Variants in SEMA5A observed in about 807,000 individuals in gnomAD.
SEMA5A encodes semaphorin-5A.
A neutral mutation model predicts 135.5 loss-of-function variants in SEMA5A; 55 were observed. The observed-to-expected ratio is 0.41, with a 90% confidence interval of 0.33 to 0.51. SEMA5A has a LOEUF of 0.51. Among genes scored for constraint, SEMA5A ranks in the 20% least tolerant of loss-of-function variants. SEMA5A has a pLI of 0.37. For missense variants in SEMA5A, 1,290 were observed against 1,419.9 expected (o/e 0.91, Z 1.47); for synonymous variants, 580 against 546.5 (o/e 1.06, Z -0.85).
At chr5:9,276,658 C>T (rs1351042269) in intron 5 of SEMA5A, among the ~76,000 whole-genome samples, 1 of 152,152 alleles carries the variant, frequency 6.6e-6, no homozygotes, top group Non-Finnish European at 1.5e-5. Flanking sequence ...AATATCACCA[C>T]ACATTTACAA....
intron 16 of SEMA5A, among the ~76,000 whole-genome samples, chr5:9,105,911 A>C (rs1204495192): frequency 2.0e-5 from 3 of 152,260 alleles, no homozygotes; most frequent in Non-Finnish European, 4.4e-5. Context: ...TTTTTAAATC[A>C]ACTTCTTAGG....
chr5:9,049,401 G>A (rs115995329), intron 21 of SEMA5A, among the ~76,000 whole-genome samples: 2,148 of 152,260 alleles, frequency 0.014, 29 homozygotes, highest in South Asian at 0.032. Context: ...CTGACCTCAC[G>A]TGATCTGCCT....
At chr5:9,257,097 G>A (rs1049461535) in intron 5 of SEMA5A, among the ~76,000 whole-genome samples, 3 of 152,212 alleles carry the variant, frequency 2.0e-5, no homozygotes, top group Admixed American at 1.3e-4. Context: ...CAACTGGAGA[G>A]CTTATTCATG....
chr5:9,153,471 T>C (rs556349317), intron 12 of SEMA5A, among the ~76,000 whole-genome samples: 30 of 152,276 alleles, frequency 2.0e-4, no homozygotes, highest in Non-Finnish European at 4.3e-4. Flanking sequence ...CCACGGAAGA[T>C]AAGACTGGCC....
At chr5:9,113,702 C>T (rs1579417889) in intron 15 of SEMA5A, among the ~76,000 whole-genome samples, 1 of 152,214 alleles carries the variant, frequency 6.6e-6, no homozygotes, top group East Asian at 1.9e-4. Flanking sequence ...TGAGAAGATG[C>T]TCAACAATAT....
Position 9,136,485 on chromosome 5 carries a change from G to C in SEMA5A, c.1599+19C>G. 6.3e-7 allele frequency: 1 copy of C among 1,594,900 alleles called. No individual in the cohort carries two copies. The highest frequency in any genetic ancestry group is 8.6e-7 in the Non-Finnish European group (1 of 1,162,586). Reference sequence around the variant, plus strand: ...CCCATGGGCAGCATTTTCAGAGGATGGAGAAGGTGGGCACTCACCGGACAC... The same window carrying C: ...CCCATGGGCAGCATTTTCAGAGGATCGAGAAGGTGGGCACTCACCGGACAC... On this transcript the variant is annotated intron_variant, in intron 13 of 22. Coordinates refer to ENST00000382496, the MANE Select transcript of SEMA5A (RefSeq NM_003966.3).
At chr5:9,464,525 C>G (rs1036377295) in intron 1 of SEMA5A, among the ~76,000 whole-genome samples, 1 of 152,174 alleles carries the variant, frequency 6.6e-6, no homozygotes, top group Non-Finnish European at 1.5e-5. Flanking sequence ...ATTTTAATAA[C>G]ATATTTTTAA....
At chr5:9,318,258 C>A (rs182563225) in intron 5 of SEMA5A, 114 bp downstream of exon 5, 218 of 971,182 alleles carry the variant, frequency 2.2e-4, no homozygotes, top group Non-Finnish European at 3.1e-4. Context: ...GCTGAGGAAA[C>A]GAGCCCCTGC....
intron 1 of SEMA5A, among the ~76,000 whole-genome samples, chr5:9,456,333 G>A (rs1268062034): frequency 6.6e-6 from 1 of 152,228 alleles, no homozygotes; most frequent in Non-Finnish European, 1.5e-5. Context: ...GTAAAGACAA[G>A]CGTCTGGGTG....
At chr5:9,136,428 G>C in intron 13 of SEMA5A, 76 bp downstream of exon 13, 1 of 1,224,752 alleles carries the variant, frequency 8.2e-7, no homozygotes. Flanking sequence ...CAGCGTGACA[G>C]TGTGACTGAG....
intron 11 of SEMA5A, among the ~76,000 whole-genome samples, chr5:9,168,166 A>T (rs897539031): frequency 6.6e-6 from 1 of 152,118 alleles, no homozygotes; most frequent in African/African-American, 2.4e-5. Flanking sequence ...GGAGAGCCGT[A>T]AGTACAGCAG....
intron 1 of SEMA5A, among the ~76,000 whole-genome samples, chr5:9,474,891 A>G (rs1460682229): frequency 1.3e-5 from 2 of 152,120 alleles, no homozygotes. Context: ...ACGTGTTGGA[A>G]CCCACCTCCA....
chr5:9,523,174 T>C (rs1736930315), intron 1 of SEMA5A: 1 of 152,000 alleles, frequency 6.6e-6, no homozygotes, highest in Non-Finnish European at 1.5e-5. Context: ...AGAACTGTAA[T>C]AATTGCCAAA....
intron 3 of SEMA5A, among the ~76,000 whole-genome samples, chr5:9,345,754 A>G (rs1480162102): frequency 6.6e-6 from 1 of 152,168 alleles, no homozygotes; most frequent in African/African-American, 2.4e-5. Context: ...AAGCTTTCCA[A>G]ATGTGGATTA....
chr5:9,116,086 G>C (rs1348156818), intron 15 of SEMA5A, among the ~76,000 whole-genome samples: 1 of 152,124 alleles, frequency 6.6e-6, no homozygotes, highest in Non-Finnish European at 1.5e-5. Flanking sequence ...ACTACCACAT[G>C]ATCTTGGAAG....
chr5:9,211,328 C>A (rs1746335293), intron 8 of SEMA5A, among the ~76,000 whole-genome samples: 1 of 152,042 alleles, frequency 6.6e-6, no homozygotes, highest in African/African-American at 2.4e-5. Flanking sequence ...CTTTACAGAG[C>A]TTCTTTTTCT....
At chr5:9,150,426 G>T (rs1045418700) in intron 12 of SEMA5A, among the ~76,000 whole-genome samples, 5 of 152,098 alleles carry the variant, frequency 3.3e-5, no homozygotes, top group Non-Finnish European at 7.3e-5. Flanking sequence ...CAATGAGTTA[G>T]CTTTGTCTTT....
At chr5:9,160,024 G>A (rs1310413296) in intron 11 of SEMA5A, among the ~76,000 whole-genome samples, 4 of 151,998 alleles carry the variant, frequency 2.6e-5, no homozygotes, top group Admixed American at 2.6e-4. Context: ...GACACAGAGA[G>A]GGGGACAACA....
At chr5:9,053,927 C>T (rs1158660667) in intron 19 of SEMA5A, 160 bp downstream of exon 19, 1 of 698,552 alleles carries the variant, frequency 1.4e-6, no homozygotes, top group Non-Finnish European at 2.3e-6. Context: ...ATTATAGATG[C>T]TATGTTTTAA....
Sources: gnomAD v4.1 joint callset for allele counts (sites outside exome capture counted in the v4.1 genomes callset) on GRCh38, gnomAD v4.1.1 for gene constraint, MANE v1.5 for transcripts, NCBI Gene and HGNC (gene_info 2026-07-23, HGNC 2026-07-21) for gene names.